The following HHLA2 variants were observed in gnomAD, a reference collection of about 807,000 sequenced individuals.
HHLA2 encodes HERV-H LTR-associating protein 2.
HHLA2 carries 48 observed loss-of-function variants against 45.9 expected under a neutral mutation model. That is an observed-to-expected ratio of 1.05 (90% CI 0.83 to 1.33). HHLA2 has a LOEUF of 1.33. Ranked by LOEUF, HHLA2 falls within the 40% of genes most tolerant of loss-of-function variation. The pLI, the probability that HHLA2 is intolerant of heterozygous loss-of-function variation, is 0.00. For synonymous variants in HHLA2, 161 were observed against 173.9 expected, an observed-to-expected ratio of 0.93 and a Z score of 0.59; for missense variants, 462 against 494.3, an observed-to-expected ratio of 0.93 and a Z score of 0.62.
At chr3:108,365,165 AT>A (rs2082043887) in intron 8 of HHLA2, among the ~76,000 whole-genome samples, 1 of 152,160 alleles carries the variant, frequency 6.6e-6, no homozygotes, top group Non-Finnish European at 1.5e-5. Flanking sequence ...CCTTGAATTA[AT>A]TTTTGTATAA....
At chr3:108,376,144 T>G (rs1463164541) in intron 9 of HHLA2, among the ~76,000 whole-genome samples, 1 of 152,216 alleles carries the variant, frequency 6.6e-6, no homozygotes, top group Non-Finnish European at 1.5e-5. Flanking sequence ...AGAAATGACA[T>G]ATCCCTTTTT....
intron 2 of HHLA2, among the ~76,000 whole-genome samples, chr3:108,314,527 AC>A (rs1391377958): frequency 6.6e-6 from 1 of 151,836 alleles, no homozygotes; most frequent in African/African-American, 2.4e-5. Context: ...GGTTTTCCTG[AC>A]CCCAGATACC....
intron 2 of HHLA2, among the ~76,000 whole-genome samples, chr3:108,324,692 C>T (rs2081259352): frequency 1.3e-5 from 2 of 152,128 alleles, no homozygotes; most frequent in Non-Finnish European, 2.9e-5. Flanking sequence ...TTAAGTTTTG[C>T]CTGTTTTCAG....
chr3:108,335,804 A>T (rs1256908509), intron 3 of HHLA2, among the ~76,000 whole-genome samples: 1 of 152,100 alleles, frequency 6.6e-6, no homozygotes, highest in African/African-American at 2.4e-5. Flanking sequence ...GCAGCCACAA[A>T]AGTAGTGATA....
At chr3:108,364,214 A>G (rs1013506748) in intron 8 of HHLA2, among the ~76,000 whole-genome samples, 1 of 152,102 alleles carries the variant, frequency 6.6e-6, no homozygotes, top group African/African-American at 2.4e-5. Context: ...TCATTGTTCA[A>G]TTCCCACCTA....
Position 108,362,769 on chromosome 3 carries a change from T to A in HHLA2, c.1108+323T>A, listed in dbSNP as rs369411929. Among the ~76,000 whole-genome samples the A allele has an allele frequency of 8.5e-5, 13 of 152,106 alleles. No homozygotes were observed. In the East Asian group the frequency reaches 2.5e-3, roughly 29 times the overall value. On this transcript the variant is annotated intron_variant, in intron 8 of 10. Coordinates refer to ENST00000619531, the Ensembl canonical transcript of HHLA2. ...GGGAAATTAATTAAAGATCATACTT[T>A]ACTTTTTAAAATTTTAATCTAGTAT...
chr3:108,317,984 C>G (rs1255303165), intron 2 of HHLA2, among the ~76,000 whole-genome samples: 3 of 151,870 alleles, frequency 2.0e-5, no homozygotes, highest in African/African-American at 7.3e-5. Flanking sequence ...GAATTCGAGA[C>G]CAGCCTCACC....
chr3:108,320,660 T>C (rs904750228), intron 2 of HHLA2, among the ~76,000 whole-genome samples: 3 of 152,166 alleles, frequency 2.0e-5, no homozygotes, highest in Non-Finnish European at 4.4e-5. Context: ...ATTTTTTAAA[T>C]GTGGGCGGCA....
intron 1 of HHLA2, among the ~76,000 whole-genome samples, chr3:108,307,343 G>C (rs2080946369): frequency 6.6e-6 from 1 of 152,002 alleles, no homozygotes; most frequent in Non-Finnish European, 1.5e-5. Flanking sequence ...GATATTATAA[G>C]AGTTCTTGTT....
At chr3:108,354,618 C>G (rs954357601) in intron 5 of HHLA2, among the ~76,000 whole-genome samples, 1 of 152,050 alleles carries the variant, frequency 6.6e-6, no homozygotes, top group Non-Finnish European at 1.5e-5. Flanking sequence ...TACACACACA[C>G]ACATACATGC....
At chr3:108,304,145 T>C (rs1180165647) in intron 1 of HHLA2, among the ~76,000 whole-genome samples, 2 of 152,196 alleles carry the variant, frequency 1.3e-5, no homozygotes, top group Non-Finnish European at 2.9e-5. Flanking sequence ...GCTCCCATTG[T>C]CATGTCAACG....
chr3:108,361,510 AC>A (rs1295244248), intron 7 of HHLA2, among the ~76,000 whole-genome samples: 1 of 152,182 alleles, frequency 6.6e-6, no homozygotes, highest in Non-Finnish European at 1.5e-5. Flanking sequence ...GTTCAGATAC[AC>A]CAAAAAGAAG....
At chr3:108,352,925 C>G (rs1045655854) in intron 4 of HHLA2, among the ~76,000 whole-genome samples, 8 of 152,228 alleles carry the variant, frequency 5.3e-5, no homozygotes, top group Non-Finnish European at 1.0e-4. Flanking sequence ...GTACAGATAT[C>G]AGATTCCTGA....
intron 2 of HHLA2, chr3:108,326,111 C>CTT: frequency 4.1e-6 from 1 of 246,586 alleles, no homozygotes; most frequent in South Asian, 5.6e-5. Context: ...TCTTCGGTGT[C>CTT]TTTTTTTTAA....
At chr3:108,369,339 A>C (rs1159327370) in intron 8 of HHLA2, among the ~76,000 whole-genome samples, 1 of 152,158 alleles carries the variant, frequency 6.6e-6, no homozygotes, top group South Asian at 2.1e-4. Flanking sequence ...GGGAGGAGCC[A>C]AGATGGCCGA....
chr3:108,333,866 TG>T, intron 3 of HHLA2, among the ~76,000 whole-genome samples: 1 of 152,170 alleles, frequency 6.6e-6, no homozygotes, highest in East Asian at 1.9e-4. Context: ...TTCATTATGC[TG>T]GGGTCTTTTT....
At chr3:108,345,091 C>G (rs1232885083) in intron 3 of HHLA2, among the ~76,000 whole-genome samples, 1 of 152,142 alleles carries the variant, frequency 6.6e-6, no homozygotes, top group Non-Finnish European at 1.5e-5. Context: ...GTAAAGAGAG[C>G]AGTGTTCTCA....
chr3:108,350,907 ACTC>A (rs553026035), intron 3 of HHLA2, among the ~76,000 whole-genome samples: 169 of 151,818 alleles, frequency 1.1e-3, no homozygotes, highest in Middle Eastern at 3.4e-3. Context: ...CTGGTCTTGA[ACTC>A]CTGACCTCAA....
intron 2 of HHLA2, among the ~76,000 whole-genome samples, chr3:108,318,965 A>G (rs2081150450): frequency 1.3e-5 from 2 of 152,180 alleles, no homozygotes; most frequent in Admixed American, 1.3e-4. Context: ...AAATAGCTCC[A>G]TTCTCCCCAA....
Sources: gnomAD v4.1 joint callset for allele counts (sites outside exome capture counted in the v4.1 genomes callset) on GRCh38, gnomAD v4.1.1 for gene constraint, MANE v1.5 for transcripts, NCBI Gene and HGNC (gene_info 2026-07-23, HGNC 2026-07-21) for gene names.